The following AHR variants were observed in gnomAD, a reference collection of about 807,000 sequenced individuals.
AHR encodes AH-receptor.
AHR carries 40 observed loss-of-function variants against 86.8 expected under a neutral mutation model. The ratio of observed to expected loss-of-function variants is 0.46; its 90% CI spans 0.36 to 0.60. The LOEUF is 0.60. Among genes scored for constraint, AHR ranks in the 20% least tolerant of loss-of-function variants. AHR has a pLI of 0.00. For missense variants in AHR, 1,001 were observed against 1,011.6 expected (o/e 0.99, Z 0.14); for synonymous variants, 398 against 354.9 (o/e 1.12, Z -1.37).
intron 2 of AHR, 96 bp downstream of exon 2, chr7:17,310,219 G>T: frequency 3.3e-6 from 4 of 1,199,340 alleles, no homozygotes; most frequent in Non-Finnish European, 4.5e-6. Flanking sequence ...AAAATTAGCC[G>T]TATTTGGAAA....
intron 1 of AHR, among the ~76,000 whole-genome samples, chr7:17,299,713 G>A (rs1009854709): frequency 1.3e-5 from 2 of 152,238 alleles, no homozygotes; most frequent in African/African-American, 4.8e-5. Flanking sequence ...GCATGGGTTA[G>A]GTTAGAGGAC....
intron 1 of AHR, among the ~76,000 whole-genome samples, chr7:17,309,278 G>A (rs1562474589): frequency 6.6e-6 from 1 of 152,154 alleles, no homozygotes; most frequent in East Asian, 1.9e-4. Flanking sequence ...AAAAGCAAAA[G>A]TTGCTGGTAA....
chr7:17,303,810 A>G (rs1044935283), intron 1 of AHR, among the ~76,000 whole-genome samples: 5 of 152,120 alleles, frequency 3.3e-5, no homozygotes, highest in Non-Finnish European at 7.4e-5. Context: ...AGGTTGAACC[A>G]AATCGTACAC....
At chr7:17,340,249 A>T in intron 10 of AHR, 21 bp downstream of exon 10, 1 of 1,560,906 alleles carries the variant, frequency 6.4e-7, no homozygotes, top group Non-Finnish European at 8.7e-7. Flanking sequence ...TATCAAACTG[A>T]ATTAAATCTT....
intron 1 of AHR, among the ~76,000 whole-genome samples, chr7:17,308,094 G>C (rs1467582386): frequency 6.6e-6 from 1 of 152,100 alleles, no homozygotes; most frequent in Non-Finnish European, 1.5e-5. Flanking sequence ...CCTCCACCTA[G>C]GATGTAAGCT....
intron 9 of AHR, among the ~76,000 whole-genome samples, chr7:17,337,176 T>C (rs1390037119): frequency 2.0e-5 from 3 of 152,108 alleles, no homozygotes; most frequent in African/African-American, 7.2e-5. Context: ...GATTGACTTT[T>C]AGCTTAATTC....
At chr7:17,303,414 G>T (rs1429968549) in intron 1 of AHR, among the ~76,000 whole-genome samples, 1 of 151,982 alleles carries the variant, frequency 6.6e-6, no homozygotes, top group East Asian at 1.9e-4. Flanking sequence ...ATATCCTAGG[G>T]ATTTTCACTG....
At position 17,330,025 on chromosome 7, in the gene AHR, A is replaced by G. The variant is rs571123681; in HGVS notation, c.524A>G (p.His175Arg). Residue 175 changes from histidine to arginine, a missense_variant, in exon 5 of 11, where the codon CAC becomes CGC. This residue lies in a region of AHR where 394 missense variants were observed against 468.5 expected (regional missense o/e 0.84). Coordinates refer to ENST00000242057, the MANE Select transcript of AHR (RefSeq NM_001621.5). The part of the protein sequence containing the change: ...EDRAEFQRQL[H>R]WALNPSQCTE... Reference sequence around the variant, plus strand: ...CGAGCTGAATTTCAGCGTCAGCTACACTGGGCATTAAATCCTTCTCAGTGT... The same window carrying G: ...CGAGCTGAATTTCAGCGTCAGCTACGCTGGGCATTAAATCCTTCTCAGTGT... 8.1e-6 allele frequency: 13 copies of G among 1,611,544 alleles called. No individual in the cohort carries two copies. The highest frequency in any genetic ancestry group is 6.7e-5 in the East Asian group (3 of 44,832).
At position 17,342,906 on chromosome 7, in the gene AHR, C is replaced by T. The variant is rs565915846; in HGVS notation, c.2404-15C>T. 34 of 1,609,084 alleles carry T rather than the reference C, an allele frequency of 2.1e-5. No individual in the cohort carries two copies. In the South Asian group the frequency reaches 3.3e-4, roughly 16 times the overall value. ...GATCTATTCCAATAAGTTGCATCACCATTTTTGTTTTCAGTTTCAGAATGG... is the reference window on the plus strand; with the variant it reads ...GATCTATTCCAATAAGTTGCATCACTATTTTTGTTTTCAGTTTCAGAATGG... On this transcript the variant is annotated splice_polypyrimidine_tract_variant and intron_variant, in intron 10 of 10. Transcript: ENST00000242057.
rs980772834 is a variant in AHR at position 17,316,680 on chromosome 7, T to C, written c.254-5821T>C. On this transcript the variant is annotated intron_variant, in intron 2 of 10. Coordinates refer to ENST00000242057, the MANE Select transcript of AHR (RefSeq NM_001621.5). ...AAGAACCTTAATGAATTGTACCTAC[T>C]GAATTCTTCATGTATTTTCTAGCCT... is the stretch of plus-strand genomic sequence containing the variant. Among the ~76,000 whole-genome samples, 14 of 152,306 alleles carry C rather than the reference T, an allele frequency of 9.2e-5. 1 individual carries two copies. The highest frequency in any genetic ancestry group is 3.4e-4 in the African/African-American group (14 of 41,584).
intron 1 of AHR, among the ~76,000 whole-genome samples, chr7:17,302,123 A>G (rs1262521968): frequency 6.6e-6 from 1 of 151,986 alleles, no homozygotes; most frequent in East Asian, 1.9e-4. Context: ...GGTTTTAATC[A>G]TAAAGAAAAA....
chr7:17,322,039 G>C (rs1220853360), intron 2 of AHR, among the ~76,000 whole-genome samples: 1 of 151,828 alleles, frequency 6.6e-6, no homozygotes, highest in African/African-American at 2.4e-5. Context: ...GTGTATAGTT[G>C]CTTTTTTTCT....
intron 2 of AHR, among the ~76,000 whole-genome samples, chr7:17,315,362 A>G (rs774105674): frequency 1.3e-5 from 2 of 152,030 alleles, no homozygotes; most frequent in African/African-American, 2.4e-5. Flanking sequence ...TTTGACAACT[A>G]TTTTGAAGAA....
chr7:17,326,040 C>T (rs1252785145), intron 3 of AHR, among the ~76,000 whole-genome samples: 1 of 152,096 alleles, frequency 6.6e-6, no homozygotes, highest in African/African-American at 2.4e-5. Context: ...AGTGAGTACG[C>T]TTTGGAGCCA....
intron 1 of AHR, among the ~76,000 whole-genome samples, chr7:17,305,762 C>T (rs1411285375): frequency 6.6e-6 from 1 of 152,106 alleles, no homozygotes; most frequent in Non-Finnish European, 1.5e-5. Flanking sequence ...TTATATAAAA[C>T]AGTTATATTT....
At chr7:17,315,127 T>A (rs1353356301) in intron 2 of AHR, among the ~76,000 whole-genome samples, 1 of 152,048 alleles carries the variant, frequency 6.6e-6, no homozygotes, top group Non-Finnish European at 1.5e-5. Context: ...ATGGAACCCC[T>A]GCAGATTTAA....
rs566490130 is a variant in AHR, at chr7:17,317,668, C to T, written c.254-4833C>T. Among the ~76,000 whole-genome samples the T allele has an allele frequency of 2.0e-5, 3 of 152,214 alleles. No individual in the cohort carries two copies. The East Asian group carries it at 5.8e-4, about 29-fold the overall frequency. ...CTGGGGAACTTGTTACCTATGCAAA[C>T]TGTAAAGCCCTATCCTAGACCTACT... On this transcript the variant is annotated intron_variant, in intron 2 of 10. Transcript: ENST00000242057.
chr7:17,301,958 A>G (rs895144338), intron 1 of AHR, among the ~76,000 whole-genome samples: 20 of 152,034 alleles, frequency 1.3e-4, no homozygotes, highest in African/African-American at 4.6e-4. Flanking sequence ...GACCCTACTC[A>G]GAAAAAGAGA....
rs201246266 is a variant in AHR at position 17,339,265 on chromosome 7, T to C, written c.1440T>C (p.Pro480=). The C allele has an allele frequency of 1.2e-5, 20 of 1,614,210 alleles. No individual in the cohort carries two copies. The South Asian group carries it at 2.2e-4, about 18-fold the overall frequency. The part of the protein sequence containing the change: ...YPASSTSSTA[P]FENNFFNESM... The stretch of plus-strand genomic sequence containing the variant: ...CTTCAAGTACTTCAAGTACTGCACC[T>C]TTTGAAAACAACTTTTTCAACGAAT... The change falls in exon 10 of 11, where the codon CCT becomes CCC. Residue 480 remains proline (P), a synonymous_variant. Coordinates refer to ENST00000242057, the MANE Select transcript of AHR (RefSeq NM_001621.5).
Sources: gnomAD v4.1 joint callset for allele counts (sites outside exome capture counted in the v4.1 genomes callset) on GRCh38, gnomAD v4.1.1 for gene constraint, gnomAD v4.1.1 regional missense constraint, MANE v1.5 for transcripts, NCBI Gene and HGNC (gene_info 2026-07-23, HGNC 2026-07-21) for gene names.